LARGE1: variants seen among roughly 807,000 people sequenced by gnomAD.
The protein encoded by LARGE1 is LARGE xylosyl- and glucuronyltransferase 1, also known as xylosyl- and glucuronyltransferase LARGE1.
A neutral mutation model predicts 87.6 loss-of-function variants in LARGE1; 43 were observed. The ratio of observed to expected loss-of-function variants is 0.49; its 90% CI spans 0.38 to 0.63. LARGE1 has a LOEUF of 0.63. LARGE1 is among the 30% of genes least tolerant of loss of function. The probability of loss-of-function intolerance (pLI) is 0.00; values close to 1 mark genes in which losing one functional copy is unlikely to be tolerated. For synonymous variants in LARGE1, 434 were observed against 394.6 expected (o/e 1.10, Z -1.18); for missense variants, 802 against 1,000.2 (o/e 0.80, Z 2.67).
intron 7 of LARGE1, among the ~76,000 whole-genome samples, chr22:33,418,973 C>T (rs116308481): frequency 1.3e-3 from 198 of 152,204 alleles, no homozygotes; most frequent in African/African-American, 4.5e-3. Flanking sequence ...CCTGAAGAAT[C>T]CCATTGTATT....
At chr22:33,210,167 G>A (rs1003894218) in intron 11 of LARGE1, among the ~76,000 whole-genome samples, 2 of 152,076 alleles carry the variant, frequency 1.3e-5, no homozygotes, top group African/African-American at 2.4e-5. Context: ...GGAGGCTGTC[G>A]CTTTCCATTA....
chr22:33,549,908 T>C (rs1294112992), intron 6 of LARGE1, among the ~76,000 whole-genome samples: 1 of 152,170 alleles, frequency 6.6e-6, no homozygotes, highest in African/African-American at 2.4e-5. Context: ...TTCATCCATG[T>C]TGCTACAAAG....
At chr22:33,368,986 A>C (rs2064702977) in intron 9 of LARGE1, among the ~76,000 whole-genome samples, 1 of 152,012 alleles carries the variant, frequency 6.6e-6, no homozygotes, top group Admixed American at 6.6e-5. Flanking sequence ...GGTTGTTGGA[A>C]GGTTGGGGTG....
At chr22:33,146,375 A>G in the LARGE1 span, among the ~76,000 whole-genome samples, 9 of 152,214 alleles carry the variant, frequency 5.9e-5, no homozygotes, top group African/African-American at 1.7e-4. Context: ...AGTTGGCTCA[A>G]TGAGCCCAGT....
chr22:33,718,026 G>A (rs188824552), intron 2 of LARGE1, among the ~76,000 whole-genome samples: 72 of 152,226 alleles, frequency 4.7e-4, no homozygotes, highest in Non-Finnish European at 5.9e-4. Flanking sequence ...TGTGAGATAC[G>A]CCATTTGAAG....
At chr22:33,773,064 C>A (rs1195204602) in intron 1 of LARGE1, among the ~76,000 whole-genome samples, 1 of 152,224 alleles carries the variant, frequency 6.6e-6, no homozygotes, top group East Asian at 1.9e-4. Flanking sequence ...CCCTCTCGTG[C>A]ACGTGAGGTC....
At chr22:33,486,349 A>T (rs931367808) in intron 6 of LARGE1, among the ~76,000 whole-genome samples, 3 of 152,214 alleles carry the variant, frequency 2.0e-5, no homozygotes, top group Non-Finnish European at 4.4e-5. Context: ...CTGATCACCT[A>T]TCCCTCCTTC....
At chr22:33,888,084 C>T (rs2064905287) in intron 1 of LARGE1, among the ~76,000 whole-genome samples, 2 of 152,108 alleles carry the variant, frequency 1.3e-5, no homozygotes, top group South Asian at 2.1e-4. Flanking sequence ...CCAATGCTCC[C>T]GTTCCACAGT....
In LARGE1 at chr22:33,201,502, G is replaced by A. The variant is rs1397225004; in HGVS notation, c.1731-34670C>T. 2.0e-5 allele frequency among the ~76,000 whole-genome samples: 3 copies of A among 152,102 alleles called. No homozygotes were observed. In the East Asian group the frequency reaches 5.8e-4, roughly 29 times the overall value. On this transcript the variant is annotated intron_variant, in intron 11 of 11. Transcript: ENST00000608642. The stretch of plus-strand genomic sequence containing the variant: ...AGGGGTAACTGAAATGGATTGGGCA[G>A]ACAGCTTGTAATTTTGAATAGGGTG...
At chr22:33,108,397 G>C in the LARGE1 span, 4 of 152,088 alleles carry the variant, frequency 2.6e-5, no homozygotes, top group Non-Finnish European at 5.9e-5. Flanking sequence ...AGTGACCCCA[G>C]GGCATAGAAG....
At chr22:33,160,206 G>T (rs1921976425), downstream of LARGE1, among the ~76,000 whole-genome samples, 1 of 152,160 alleles carries the variant, frequency 6.6e-6, no homozygotes. Context: ...CAAATCAATT[G>T]ATATCTCTCT....
intron 11 of LARGE1, among the ~76,000 whole-genome samples, chr22:33,237,232 G>A (rs898042411): frequency 2.0e-5 from 3 of 152,180 alleles, no homozygotes; most frequent in African/African-American, 7.2e-5. Context: ...TCATGACTTT[G>A]CCGTGCATAA....
intron 5 of LARGE1, among the ~76,000 whole-genome samples, chr22:33,589,364 T>C (rs890088966): frequency 6.6e-6 from 1 of 152,242 alleles, no homozygotes; most frequent in Non-Finnish European, 1.5e-5. Flanking sequence ...TTGATTTTGA[T>C]TACCATTTTG....
At chr22:33,784,127 A>G (rs766296998) in intron 1 of LARGE1, among the ~76,000 whole-genome samples, 17 of 152,166 alleles carry the variant, frequency 1.1e-4, no homozygotes, top group Non-Finnish European at 2.2e-4. Flanking sequence ...GCTTAATTAG[A>G]ATGGCTTTTC....
At chr22:33,411,181 C>A (rs999029934) in intron 7 of LARGE1, among the ~76,000 whole-genome samples, 2 of 152,162 alleles carry the variant, frequency 1.3e-5, no homozygotes, top group African/African-American at 2.4e-5. Flanking sequence ...CAGAGTAGGG[C>A]AGACACATTT....
intron 2 of LARGE1, among the ~76,000 whole-genome samples, chr22:33,745,494 C>CTTATGTT (rs2084046467): frequency 6.6e-6 from 1 of 151,924 alleles, no homozygotes; most frequent in African/African-American, 2.4e-5. Flanking sequence ...ATCTGAGCAC[C>CTTATGTT]CAGAAGGCTT....
At chr22:33,074,220 G>T in the LARGE1 span, among the ~76,000 whole-genome samples, 1 of 151,942 alleles carries the variant, frequency 6.6e-6, no homozygotes, top group Non-Finnish European at 1.5e-5. Context: ...CTCCTTTACC[G>T]GGACCGCTTC....
intron 11 of LARGE1, among the ~76,000 whole-genome samples, chr22:33,315,255 C>G (rs1000283161): frequency 2.0e-5 from 3 of 152,200 alleles, no homozygotes; most frequent in Admixed American, 6.5e-5. Context: ...CTTAACTGCT[C>G]TGCAAGGGAG....
At chr22:33,091,135 C>A in the LARGE1 span, among the ~76,000 whole-genome samples, 1 of 152,176 alleles carries the variant, frequency 6.6e-6, no homozygotes, top group East Asian at 1.9e-4. Context: ...AACTCCAGTT[C>A]CTGCTATCAT....
Sources: allele counts gnomAD v4.1 joint callset (sites outside exome capture counted in the v4.1 genomes callset), GRCh38; gene constraint gnomAD v4.1.1; transcripts MANE v1.5; gene names NCBI Gene and HGNC (gene_info 2026-07-23, HGNC 2026-07-21).